CENPB: variants seen among roughly 807,000 people sequenced by gnomAD.
CENPB encodes the protein centromere protein B, also known as major centromere autoantigen B.
In CENPB, 19 loss-of-function variants were observed where a neutral mutation model predicts 41.9. That is an observed-to-expected ratio of 0.45 (90% CI 0.32 to 0.67). The LOEUF (loss-of-function observed/expected upper bound fraction) is 0.67. Ranked by LOEUF, CENPB falls within the 30% of genes least tolerant of loss-of-function variation. The pLI is 0.04. For missense variants in CENPB, 614 were observed against 816.2 expected, an observed-to-expected ratio of 0.75 and a Z score of 3.02; for synonymous variants, 399 against 354.4, an observed-to-expected ratio of 1.13 and a Z score of -1.41.
In CENPB at chr20:3,786,220, G is replaced by C. The variant is rs1168609954; in HGVS notation, c.264C>G (p.Ile88Met). 4.4e-6 allele frequency: 7 copies of C among 1,602,710 alleles called. No individual in the cohort carries two copies. Among genetic ancestry groups the C allele is most frequent in the Non-Finnish European group, 5.9e-6 (7 of 1,179,218 alleles). ...CCTTGACCGGCAGGCCGGCGGCGCG[G>C]ATCTGCTGGAACCAGGCGATGAGCA... ...EGLLIAWFQQIRAAGLPVKGI... is the reference protein window; with the variant it reads ...EGLLIAWFQQMRAAGLPVKGI... Residue 88 changes from isoleucine (I) to methionine (M), a missense_variant, in exon 1 of 1, where the codon ATC (isoleucine) becomes ATG (methionine). Physicochemically the swap from Ile to Met is conservative, Grantham distance 10 (BLOSUM62 1). Around this residue, in one of 2 missense-constraint regions of CENPB, gnomAD observed 77 missense variants for 186.8 expected, o/e 0.41. Coordinates refer to ENST00000379751, the MANE Select transcript of CENPB (RefSeq NM_001810.6).
chr20:3,786,058 G>A lies in CENPB; in HGVS notation c.426C>T (p.Arg142=). 1 of 1,512,084 alleles carries A rather than the reference G, an allele frequency of 6.6e-7. No individual in the cohort carries two copies. 93.7% of individuals were successfully genotyped at this position (1,512,084 alleles called of 1,614,324 possible). A position where few individuals can be genotyped will look rare whatever the true frequency, so the allele number is the denominator to read the frequency against. The part of the protein sequence containing the change: ...VVSCSGVARA[R]ARNAAPRTPA... Reference sequence around the variant, plus strand: ...GGGTGCGGGGGGCAGCGTTTCGCGCGCGGGCGCGGGCCACGCCGCTGCAGG... The same window carrying A: ...GGGTGCGGGGGGCAGCGTTTCGCGCACGGGCGCGGGCCACGCCGCTGCAGG... The change falls in exon 1 of 1, where the codon CGC becomes CGT. Residue 142 remains arginine, a synonymous_variant. Transcript: ENST00000379751.
At position 3,785,550 on chromosome 20, in the gene CENPB, C is replaced by G; in HGVS notation, c.934G>C (p.Val312Leu). ...CCGGGAGGGAAGAAGGCCAGCTGCA[C>G]ATGCCGCAGGCCCGAGGTGTCCAAG... ...QSLDTSGLRH[V>L]QLAFFPPGTV... The change falls in exon 1 of 1, where the codon GTG (valine) becomes CTG (leucine). Residue 312 changes from valine (V) to leucine (L), a missense_variant. Around this residue, in one of 2 missense-constraint regions of CENPB, gnomAD observed 537 missense variants for 629.4 expected, o/e 0.85. Transcript: ENST00000379751. The G allele has an allele frequency of 6.3e-7, 1 of 1,598,784 alleles. No homozygotes were observed. Among genetic ancestry groups the G allele is most frequent in the East Asian group, 2.3e-5 (1 of 44,116 alleles).
Position 3,785,588 on chromosome 20 carries a change from A to C in CENPB, c.896T>G (p.Leu299Trp). 1 of 1,601,286 alleles carries C rather than the reference A, an allele frequency of 6.2e-7. No homozygotes were observed. The highest frequency in any genetic ancestry group is 8.5e-7 in the Non-Finnish European group (1 of 1,174,448). The change falls in exon 1 of 1, where the codon TTG becomes TGG. Residue 299 changes from leucine (L) to tryptophan (W), a missense_variant. Leu to Trp is a moderately conservative substitution (Grantham distance 61, BLOSUM62 -2). Around this residue, in one of 2 missense-constraint regions of CENPB, gnomAD observed 537 missense variants for 629.4 expected, o/e 0.85. Coordinates refer to ENST00000379751, the MANE Select transcript of CENPB (RefSeq NM_001810.6). ...CGAGGTGTCCAAGGACTGGGCAGCCAAGCGGCCGGCCAACAGCAGGACCCG... is the reference window on the plus strand; with the variant it reads ...CGAGGTGTCCAAGGACTGGGCAGCCCAGCGGCCGGCCAACAGCAGGACCCG... The part of the protein sequence containing the change: ...SRRVLLLAGR[L>W]AAQSLDTSGL...
In CENPB at chr20:3,784,580, TG is replaced by T; in HGVS notation, c.*103del. 1 of 1,360,902 alleles carries T rather than the reference TG, an allele frequency of 7.3e-7. No homozygotes were observed. The highest frequency in any genetic ancestry group is 1.0e-6 in the Non-Finnish European group (1 of 984,144). The allele number at this position is 1,360,902 out of a possible 1,614,324, so 84.3% of individuals were successfully genotyped here. A position where few individuals can be genotyped will look rare whatever the true frequency, so the allele number is the denominator to read the frequency against. ...CCAGGGGAAGCATTACTAAAGGATC[TG>T]GGGCTCTGCACTCTGGCTCCATGCA... is the stretch of plus-strand genomic sequence containing the variant. On this transcript the variant is annotated 3_prime_UTR_variant, in exon 1 of 1. Coordinates refer to ENST00000379751, the MANE Select transcript of CENPB (RefSeq NM_001810.6). This position sits in a 1 kb window ranked among gnomAD's most constrained non-coding sequence, Gnocchi z 5.2.
Position 3,785,102 on chromosome 20 carries a change from TC to T in CENPB, c.1381del (p.Glu461ArgfsTer20). The T allele has an allele frequency of 6.2e-7, 1 of 1,609,826 alleles. No individual in the cohort carries two copies. The highest frequency in any genetic ancestry group is 8.5e-7 in the Non-Finnish European group (1 of 1,177,982). ...EGDVDSDEEE[E>X]EDEESSSEGL... is the part of the protein sequence containing the mutation. The stretch of plus-strand genomic sequence containing the variant: ...CTCCGAGGAGCTCTCCTCATCTTCC[TC>T]CTCTTCTTCATCACTATCAACATCA... On this transcript the variant is annotated frameshift_variant, in exon 1 of 1. Transcript: ENST00000379751. LOFTEE classifies it high-confidence loss of function.
Position 3,786,513 on chromosome 20 carries a change from C to G in CENPB, c.-30G>C. 5.3e-5 allele frequency: 49 copies of G among 916,776 alleles called. No individual in the cohort carries two copies. The highest frequency in any genetic ancestry group is 3.8e-4 in the East Asian group (5 of 13,044). 56.8% of individuals were successfully genotyped at this position (916,776 alleles called of 1,614,324 possible). A position where few individuals can be genotyped will look rare whatever the true frequency, so the allele number is the denominator to read the frequency against. On this transcript the variant is annotated 5_prime_UTR_variant, in exon 1 of 1. Coordinates refer to ENST00000379751, the MANE Select transcript of CENPB (RefSeq NM_001810.6). ...GCGCGCCCCCCGCCCCGGGGCCCGGCGCCGCCGCCGCCGCCCCGGGGCGGG... is the reference window on the plus strand; with the variant it reads ...GCGCGCCCCCCGCCCCGGGGCCCGGGGCCGCCGCCGCCGCCCCGGGGCGGG...
chr20:3,785,867 T>C lies in CENPB; in HGVS notation c.617A>G (p.Asp206Gly). Residue 206 changes from aspartate to glycine, a missense_variant, in exon 1 of 1, where the codon GAC becomes GGC. By Grantham distance (94) the Asp-to-Gly change is moderately conservative (BLOSUM62 -1). This residue lies in a region of CENPB where 537 missense variants were observed against 629.4 expected (regional missense o/e 0.85). Transcript: ENST00000379751. ...GCCTCCGCACAGCCCCGCGGCCTGG[T>C]CGGGCAGGAAGTCGTACCATAGACT... ...ETSLWYDFLP[D>G]QAAGLCGGDG... is the part of the protein sequence containing the mutation. 6.2e-7 allele frequency: 1 copy of C among 1,608,306 alleles called. No individual in the cohort carries two copies. The highest frequency in any genetic ancestry group is 8.5e-7 in the Non-Finnish European group (1 of 1,178,352).
At position 3,786,333 on chromosome 20, in the gene CENPB, C is replaced by A. The variant is rs774130454; in HGVS notation, c.151G>T (p.Ala51Ser). 1 of 1,607,274 alleles carries A rather than the reference C, an allele frequency of 6.2e-7. No homozygotes were observed. The highest frequency in any genetic ancestry group is 1.3e-5 in the African/African-American group (1 of 74,978). The change falls in exon 1 of 1, where the codon GCC becomes TCC. Residue 51 changes from alanine (A) to serine (S), a missense_variant. Physicochemically the swap from Ala to Ser is moderately conservative, Grantham distance 99 (BLOSUM62 1). This residue lies in a region of CENPB where 77 missense variants were observed against 186.8 expected (regional missense o/e 0.41). Coordinates refer to ENST00000379751, the MANE Select transcript of CENPB (RefSeq NM_001810.6). The part of the protein sequence containing the change: ...TLSTILKNKR[A>S]ILASERKYGV... Reference sequence around the variant, plus strand: ...TACTTGCGCTCCGACGCCAGGATGGCGCGCTTGTTCTTCAGGATCGTGCTC... The same window carrying A: ...TACTTGCGCTCCGACGCCAGGATGGAGCGCTTGTTCTTCAGGATCGTGCTC...
chr20:3,786,557 GGGGGCAC>G lies in CENPB; in HGVS notation c.-81_-75del. The stretch of plus-strand genomic sequence containing the variant: ...GGGCGGGGGGCCCGGGCCCGTGGCG[GGGGGCAC>G]CTGGCGGCCTCTCCCGCGCGCCCCG... On this transcript the variant is annotated 5_prime_UTR_variant, in exon 1 of 1. Coordinates refer to ENST00000379751, the MANE Select transcript of CENPB (RefSeq NM_001810.6). The G allele has an allele frequency of 2.4e-6, 1 of 411,346 alleles. No individual in the cohort carries two copies. The highest frequency in any genetic ancestry group is 3.2e-6 in the Non-Finnish European group (1 of 309,766). 25.5% of individuals were successfully genotyped at this position (411,346 alleles called of 1,614,324 possible).
At position 3,785,604 on chromosome 20, in the gene CENPB, G is replaced by C; in HGVS notation, c.880C>G (p.Leu294Val). 6.2e-7 allele frequency: 1 copy of C among 1,601,874 alleles called. No individual in the cohort carries two copies. Among genetic ancestry groups the C allele is most frequent in the South Asian group, 1.1e-5 (1 of 89,644 alleles). Residue 294 changes from leucine (L) to valine (V), a missense_variant, in exon 1 of 1, where the codon CTG becomes GTG. Leu to Val is a conservative substitution (Grantham distance 32). Around this residue, in one of 2 missense-constraint regions of CENPB, gnomAD observed 537 missense variants for 629.4 expected, o/e 0.85. Transcript: ENST00000379751. ...TGGGCAGCCAAGCGGCCGGCCAACA[G>C]CAGGACCCGGCGAGACTCTGCAGCC... The part of the protein sequence containing the change: ...RMAAESRRVL[L>V]LAGRLAAQSL...
rs80070126 is a variant in CENPB, at chr20:3,785,551, A to G, written c.933T>C (p.His311=). The part of the protein sequence containing the change: ...AQSLDTSGLR[H]VQLAFFPPGT... The stretch of plus-strand genomic sequence containing the variant: ...CGGGAGGGAAGAAGGCCAGCTGCAC[A>G]TGCCGCAGGCCCGAGGTGTCCAAGG... Residue 311 remains histidine, a synonymous_variant, in exon 1 of 1, where the codon CAT becomes CAC. Transcript: ENST00000379751. The G allele has an allele frequency of 8.5e-4, 1,361 of 1,599,120 alleles. 9 individuals carry two copies. The African/African-American group carries it at 0.016, about 19-fold the overall frequency.
In CENPB at chr20:3,785,133, C is replaced by G. The variant is rs1472284168; in HGVS notation, c.1351G>C (p.Glu451Gln). Reference sequence around the variant, plus strand: ...TCTTCATCACTATCAACATCACCCTCCTCCTCCACCTCCTCTTCCTCCCCC... The same window carrying G: ...TCTTCATCACTATCAACATCACCCTGCTCCTCCACCTCCTCTTCCTCCCCC... ...ELGEEEEVEE[E>Q]GDVDSDEEEE... Residue 451 changes from glutamate (E) to glutamine (Q), a missense_variant, in exon 1 of 1, where the codon GAG (glutamate) becomes CAG (glutamine). Coordinates refer to ENST00000379751, the MANE Select transcript of CENPB (RefSeq NM_001810.6). The G allele has an allele frequency of 6.3e-7, 1 of 1,592,452 alleles. No individual in the cohort carries two copies. The highest frequency in any genetic ancestry group is 1.3e-5 in the African/African-American group (1 of 74,366).
At position 3,786,261 on chromosome 20, in the gene CENPB, C is replaced by T; in HGVS notation, c.223G>A (p.Asp75Asn). Residue 75 changes from aspartate to asparagine, a missense_variant, in exon 1 of 1, where the codon GAC becomes AAC. By Grantham distance (23) the Asp-to-Asn change is conservative. This residue lies in a region of CENPB where 77 missense variants were observed against 186.8 expected (regional missense o/e 0.41). Coordinates refer to ENST00000379751, the MANE Select transcript of CENPB (RefSeq NM_001810.6). ...CRKTNKLSPY[D>N]KLEGLLIAWF... ...GCGATGAGCAAGCCCTCGAGCTTGT[C>T]GTAGGGAGACAGCTTGTTGGTCTTG... 1 of 1,606,660 alleles carries T rather than the reference C, an allele frequency of 6.2e-7. No homozygotes were observed. Among genetic ancestry groups the T allele is most frequent in the Non-Finnish European group, 8.5e-7 (1 of 1,179,356 alleles).
Position 3,785,953 on chromosome 20 carries a change from C to A in CENPB, c.531G>T (p.Glu177Asp), listed in dbSNP as rs200133266. ...AGCCCTCGGCCACCGACGGCGGCTG[C>A]TCCTCCCGAGCGCGCCAACCAGTAG... Reference protein sequence around the residue: ...GSTTGWRAREEQPPSVAEGYA... With the variant: ...GSTTGWRAREDQPPSVAEGYA... Residue 177 changes from glutamate (E) to aspartate (D), a missense_variant, in exon 1 of 1, where the codon GAG (glutamate) becomes GAT (aspartate). Physicochemically the swap from Glu to Asp is conservative, Grantham distance 45. Coordinates refer to ENST00000379751, the MANE Select transcript of CENPB (RefSeq NM_001810.6). The A allele has an allele frequency of 1.7e-4, 270 of 1,587,992 alleles. No individual in the cohort carries two copies. In the African/African-American group the frequency reaches 3.4e-3, roughly 20 times the overall value.
In CENPB at chr20:3,785,163, C is replaced by T. The variant is rs1184338498; in HGVS notation, c.1321G>A (p.Glu441Lys). ...TCCACCTCCTCTTCCTCCCCCAATT[C>T]CTCTCCTTCCCCCCCTTCCTCCTCC... Reference protein sequence around the residue: ...EEEEEGGEGEELGEEEEVEEE... With the variant: ...EEEEEGGEGEKLGEEEEVEEE... The change falls in exon 1 of 1, where the codon GAA (glutamate) becomes AAA (lysine). Residue 441 changes from glutamate (E) to lysine (K), a missense_variant. Coordinates refer to ENST00000379751, the MANE Select transcript of CENPB (RefSeq NM_001810.6). The T allele has an allele frequency of 1.5e-5, 15 of 1,027,596 alleles. No individual in the cohort carries two copies. The highest frequency in any genetic ancestry group is 2.1e-5 in the Non-Finnish European group (15 of 729,886). 63.7% of individuals were successfully genotyped at this position (1,027,596 alleles called of 1,614,324 possible). A position where few individuals can be genotyped will look rare whatever the true frequency, so the allele number is the denominator to read the frequency against.
Position 3,785,031 on chromosome 20 carries a change from C to T in CENPB, c.1453G>A (p.Gly485Ser). 1 of 1,614,128 alleles carries T rather than the reference C, an allele frequency of 6.2e-7. No homozygotes were observed. Among genetic ancestry groups the T allele is most frequent in the Non-Finnish European group, 8.5e-7 (1 of 1,180,026 alleles). Residue 485 changes from glycine (G) to serine (S), a missense_variant, in exon 1 of 1, where the codon GGC becomes AGC. Physicochemically the swap from Gly to Ser is moderately conservative, Grantham distance 56. Transcript: ENST00000379751. ...TGGGCACCATAAGCCCCGAAGCTGC[C>T]ACCGGCCTCCACTACTCCCTGGGCC... The part of the protein sequence containing the change: ...DWAQGVVEAG[G>S]SFGAYGAQEE...
Position 3,786,516 on chromosome 20 carries a change from C to T in CENPB, c.-33G>A, listed in dbSNP as rs2088826900. The T allele has an allele frequency of 2.4e-6, 2 of 843,288 alleles. No individual in the cohort carries two copies. Among genetic ancestry groups the T allele is most frequent in the East Asian group, 8.8e-5 (1 of 11,342 alleles). The allele number at this position is 843,288 out of a possible 1,614,324, so 52.2% of individuals were successfully genotyped here. On this transcript the variant is annotated 5_prime_UTR_variant, in exon 1 of 1. Transcript: ENST00000379751. ...CGCCCCCCGCCCCGGGGCCCGGCGC[C>T]GCCGCCGCCGCCCCGGGGCGGGGGG...
At position 3,785,198 on chromosome 20, in the gene CENPB, C is replaced by A. The variant is rs768492671; in HGVS notation, c.1286G>T (p.Gly429Val). The part of the protein sequence containing the change: ...EGEGEEEEEE[G>V]EEEEEEGGEG... ...CCCCCCTTCCTCCTCCTCCTCCTCC[C>A]CTTCCTCCTCCTCTTCCTCTCCTTC... Residue 429 changes from glycine (G) to valine (V), a missense_variant, in exon 1 of 1, where the codon GGG becomes GTG. Gly to Val is a moderately radical substitution (Grantham distance 109). Around this residue, in one of 2 missense-constraint regions of CENPB, gnomAD observed 537 missense variants for 629.4 expected, o/e 0.85. Transcript: ENST00000379751. 1.1e-5 allele frequency: 14 copies of A among 1,283,358 alleles called. No individual in the cohort carries two copies. In the South Asian group the frequency reaches 1.7e-4, roughly 16 times the overall value. 79.5% of individuals were successfully genotyped at this position (1,283,358 alleles called of 1,614,324 possible).
chr20:3,785,179 TTCC>T lies in CENPB; in HGVS notation c.1302_1304del (p.Glu435del), dbSNP rs745612729. On this transcript the variant is annotated inframe_deletion, in exon 1 of 1. Transcript: ENST00000379751. Reference sequence around the variant, plus strand: ...CCCCCAATTCCTCTCCTTCCCCCCCTTCCTCCTCCTCCTCCTCCCCTTCCTCCT... The same window carrying T: ...CCCCCAATTCCTCTCCTTCCCCCCCTTCCTCCTCCTCCTCCCCTTCCTCCT... 1,910 of 578,834 alleles carry T rather than the reference TTCC, an allele frequency of 3.3e-3. 5 individuals carry two copies. Among genetic ancestry groups the T allele is most frequent in the African/African-American group, 5.5e-3 (177 of 32,402 alleles). The allele number at this position is 578,834 out of a possible 1,614,324, so 35.9% of individuals were successfully genotyped here.
Sources: allele counts gnomAD v4.1 joint callset, GRCh38; gene constraint gnomAD v4.1.1; regional missense constraint gnomAD v4.1.1; non-coding constraint Gnocchi (gnomAD v3.1); transcripts MANE v1.5; gene names NCBI Gene and HGNC (gene_info 2026-07-23, HGNC 2026-07-21).